CTNND2: variants seen among roughly 807,000 people sequenced by gnomAD.
CTNND2 encodes catenin delta 2, also known as catenin delta-2.
Under a neutral mutation model 144.4 loss-of-function variants are expected in CTNND2, and 22 were observed. That is an observed-to-expected ratio of 0.15 (90% CI 0.11 to 0.22). CTNND2 has a LOEUF of 0.22. Ranked by LOEUF, CTNND2 falls within the 10% of genes least tolerant of loss-of-function variation. The pLI is 1.00. For synonymous variants in CTNND2, 751 were observed against 695.6 expected, an observed-to-expected ratio of 1.08 and a Z score of -1.25; for missense variants, 1,353 against 1,618.8, an observed-to-expected ratio of 0.84 and a Z score of 2.82.
chr5:11,420,942 T>C (rs1165263152), intron 3 of CTNND2, among the ~76,000 whole-genome samples: 2 of 152,150 alleles, frequency 1.3e-5, no homozygotes, highest in Middle Eastern at 3.2e-3. Context: ...TTTATGAGAT[T>C]GTTACCCAGT....
intron 3 of CTNND2, among the ~76,000 whole-genome samples, chr5:11,533,233 T>C (rs1176043580): frequency 2.0e-5 from 3 of 152,232 alleles, no homozygotes. Flanking sequence ...AATGCAAATA[T>C]GTAAAGCATA....
At chr5:11,822,487 G>C (rs1328665207) in intron 1 of CTNND2, among the ~76,000 whole-genome samples, 2 of 152,076 alleles carry the variant, frequency 1.3e-5, no homozygotes. Context: ...GTGGTAGGCA[G>C]TCTCAAAAAC....
At chr5:11,156,985 G>A (rs567347820) in intron 12 of CTNND2, among the ~76,000 whole-genome samples, 2 of 152,212 alleles carry the variant, frequency 1.3e-5, no homozygotes, top group African/African-American at 2.4e-5. Context: ...GCACAGATCT[G>A]TTAGCAGTCT....
chr5:11,810,782 G>A (rs768457712), intron 1 of CTNND2, among the ~76,000 whole-genome samples: 5 of 152,024 alleles, frequency 3.3e-5, no homozygotes, highest in Non-Finnish European at 5.9e-5. Context: ...AGCTAATTAC[G>A]CATTGTCATA....
chr5:11,746,160 T>C (rs1018006541), intron 1 of CTNND2, among the ~76,000 whole-genome samples: 1 of 152,100 alleles, frequency 6.6e-6, no homozygotes. Context: ...ACACCAAGCC[T>C]CTTGCCACTC....
chr5:11,459,150 T>C (rs181426207), intron 3 of CTNND2, among the ~76,000 whole-genome samples: 18 of 152,338 alleles, frequency 1.2e-4, no homozygotes, highest in Admixed American at 3.9e-4. Flanking sequence ...AGCAGAGTGC[T>C]TGACACCAAT....
intron 3 of CTNND2, among the ~76,000 whole-genome samples, chr5:11,437,541 C>T (rs1763877129): frequency 6.6e-6 from 1 of 152,148 alleles, no homozygotes; most frequent in Non-Finnish European, 1.5e-5. Context: ...GAGAACTAAA[C>T]TGTGAAGACT....
At chr5:11,770,180 C>T (rs1426735935) in intron 1 of CTNND2, among the ~76,000 whole-genome samples, 1 of 152,124 alleles carries the variant, frequency 6.6e-6, no homozygotes, top group African/African-American at 2.4e-5. Flanking sequence ...ACCTCACGGG[C>T]ATCACAGACA....
intron 1 of CTNND2, among the ~76,000 whole-genome samples, chr5:11,779,690 A>G (rs934611200): frequency 3.3e-5 from 5 of 152,170 alleles, no homozygotes; most frequent in African/African-American, 1.2e-4. Context: ...ATAAATATCA[A>G]ATGGTTTTAG....
intron 3 of CTNND2, among the ~76,000 whole-genome samples, chr5:11,509,028 C>T (rs1195012340): frequency 6.6e-6 from 1 of 152,116 alleles, no homozygotes; most frequent in Admixed American, 6.6e-5. Context: ...GTTGCAGGGA[C>T]TTTAATAAGA....
chr5:11,022,563 G>A (rs1223795809), intron 17 of CTNND2, among the ~76,000 whole-genome samples: 2 of 152,156 alleles, frequency 1.3e-5, no homozygotes, highest in Non-Finnish European at 2.9e-5. Flanking sequence ...CATGTGGAAG[G>A]AGCACATGGG....
chr5:11,351,976 A>G (rs1404605261), intron 8 of CTNND2, among the ~76,000 whole-genome samples: 1 of 152,208 alleles, frequency 6.6e-6, no homozygotes, highest in African/African-American at 2.4e-5. Context: ...CTAGCACCCA[A>G]TCTGGCATAT....
intron 3 of CTNND2, among the ~76,000 whole-genome samples, chr5:11,489,503 T>C (rs980562907): frequency 1.3e-5 from 2 of 152,146 alleles, no homozygotes; most frequent in Non-Finnish European, 2.9e-5. Flanking sequence ...AAAAATTCAA[T>C]AAATGTGGTC....
At chr5:11,860,770 T>C (rs905306508) in intron 1 of CTNND2, among the ~76,000 whole-genome samples, 2 of 152,208 alleles carry the variant, frequency 1.3e-5, no homozygotes, top group African/African-American at 4.8e-5. Flanking sequence ...CAATAGGTTT[T>C]TGAAGAAGGT....
At chr5:11,737,813 C>T (rs1302888104) in intron 1 of CTNND2, among the ~76,000 whole-genome samples, 1 of 152,116 alleles carries the variant, frequency 6.6e-6, no homozygotes, top group Non-Finnish European at 1.5e-5. Flanking sequence ...GTCTCTCTTC[C>T]CCTTTGCATA....
intron 3 of CTNND2, among the ~76,000 whole-genome samples, chr5:11,414,472 A>G (rs1428542024): frequency 6.6e-6 from 1 of 152,210 alleles, no homozygotes; most frequent in Non-Finnish European, 1.5e-5. Flanking sequence ...GTTAATTCAC[A>G]ACAATCACAA....
intron 1 of CTNND2, among the ~76,000 whole-genome samples, chr5:11,853,765 T>C (rs1213108929): frequency 6.6e-6 from 1 of 152,216 alleles, no homozygotes; most frequent in African/African-American, 2.4e-5. Flanking sequence ...TCTCTCCCAT[T>C]GTACACCTAA....
chr5:11,816,266 G>C (rs566388393), intron 1 of CTNND2, among the ~76,000 whole-genome samples: 2 of 152,228 alleles, frequency 1.3e-5, no homozygotes, highest in Admixed American at 6.5e-5. Context: ...GTTCCCACTG[G>C]CTACCTGAAC....
chr5:11,870,589 A>G (rs1163850541), intron 1 of CTNND2, among the ~76,000 whole-genome samples: 1 of 152,216 alleles, frequency 6.6e-6, no homozygotes, highest in Non-Finnish European at 1.5e-5. Flanking sequence ...GAAGTGAAAA[A>G]ATGCATCAAG....
Sources: gnomAD v4.1 joint callset for allele counts (sites outside exome capture counted in the v4.1 genomes callset) on GRCh38, gnomAD v4.1.1 for gene constraint, MANE v1.5 for transcripts, NCBI Gene and HGNC (gene_info 2026-07-23, HGNC 2026-07-21) for gene names.